The following CROCC variants were observed in gnomAD, a reference collection of about 807,000 sequenced individuals.
CROCC encodes ciliary rootlet coiled-coil, rootletin, also known as rootletin.
A neutral mutation model predicts 245.2 loss-of-function variants in CROCC; 180 were observed. The ratio of observed to expected loss-of-function variants is 0.73; its 90% confidence interval spans 0.65 to 0.83. The LOEUF (loss-of-function observed/expected upper bound fraction) is 0.83. Ranked by LOEUF, CROCC falls within the 40% of genes least tolerant of loss-of-function variation. The probability of loss-of-function intolerance (pLI) is 0.00; values close to 1 mark genes in which losing one functional copy is unlikely to be tolerated. For missense variants in CROCC, 2,688 were observed against 2,779.4 expected (o/e 0.97, Z 0.74); for synonymous variants, 1,205 against 1,241.6 (o/e 0.97, Z 0.62).
At position 16,972,572 on chromosome 1, in the gene CROCC, T is replaced by C; in HGVS notation, c.*126T>C. On this transcript the variant is annotated 3_prime_UTR_variant, in exon 37 of 37. Coordinates refer to ENST00000375541, the MANE Select transcript of CROCC (RefSeq NM_014675.5). The stretch of plus-strand genomic sequence containing the variant: ...AAGCTGGGGTGGGATGAGGAGGCGC[T>C]CTGCTGGCAGTGCTGAGGACGGGTA... 1.6e-6 allele frequency: 1 copy of C among 622,890 alleles called. No individual in the cohort carries two copies. Among genetic ancestry groups the C allele is most frequent in the Non-Finnish European group, 2.7e-6 (1 of 363,860 alleles). The allele number at this position is 622,890 out of a possible 1,614,324, so 38.6% of individuals were successfully genotyped here.
At chr1:16,938,320 G>A in intron 10 of CROCC, 80 bp from the exon 11 acceptor site, 1 of 1,335,982 alleles carries the variant, frequency 7.5e-7, no homozygotes, top group Non-Finnish European at 1.0e-6. Context: ...GGTCAGTGGT[G>A]GGCCAGGTAG....
At chr1:16,916,741 G>T (rs576820003) in intron 1 of CROCC, among the ~76,000 whole-genome samples, 8 of 152,296 alleles carry the variant, frequency 5.3e-5, no homozygotes, top group Non-Finnish European at 1.0e-4. Context: ...TCAAACGCCT[G>T]GGCTCAGGCA....
At chr1:16,926,999 G>A (rs1371923661) in intron 3 of CROCC, among the ~76,000 whole-genome samples, 1 of 152,262 alleles carries the variant, frequency 6.6e-6, no homozygotes, top group Non-Finnish European at 1.5e-5. Flanking sequence ...GGAGAAGGGG[G>A]AGGAGAACCC....
intron 35 of CROCC, 117 bp from the exon 36 acceptor site, chr1:16,971,348 T>C (rs2100565543): frequency 7.2e-7 from 1 of 1,381,328 alleles, no homozygotes; most frequent in Non-Finnish European, 9.5e-7. Context: ...CACAAGGATC[T>C]CTCCTGCCTT....
intron 13 of CROCC, among the ~76,000 whole-genome samples, chr1:16,943,235 C>T (rs2075969932): frequency 1.4e-5 from 2 of 147,122 alleles, no homozygotes; most frequent in South Asian, 2.2e-4. Flanking sequence ...AGTGAGATGC[C>T]GTCTAAAAAA....
chr1:16,922,579 G>C, intron 1 of CROCC, 84 bp from the exon 2 acceptor site: 2 of 1,504,094 alleles, frequency 1.3e-6, no homozygotes, highest in Non-Finnish European at 1.8e-6. Flanking sequence ...TGTATCTTGG[G>C]CAGTAGGATT....
intron 13 of CROCC, among the ~76,000 whole-genome samples, chr1:16,942,885 C>T (rs190300637): frequency 7.5e-4 from 115 of 152,364 alleles, no homozygotes; most frequent in Non-Finnish European, 1.3e-3. Flanking sequence ...GCGGGTGGAT[C>T]ACTTGAGGTC....
At chr1:16,940,579 G>A (rs2075908159) in intron 13 of CROCC, among the ~76,000 whole-genome samples, 2 of 152,202 alleles carry the variant, frequency 1.3e-5, no homozygotes, top group African/African-American at 4.8e-5. Context: ...TAGTAGAGAC[G>A]GGGTTTCACC....
At chr1:16,920,019 G>A (rs1282819821), upstream of CROCC, among the ~76,000 whole-genome samples, 2 of 152,220 alleles carry the variant, frequency 1.3e-5, no homozygotes, top group African/African-American at 4.8e-5. Context: ...AGCCTCCTGA[G>A]TAGCTAGGAT....
At chr1:16,958,825 G>A (rs1251420567) in intron 26 of CROCC, 75 bp downstream of exon 26, 24 of 1,492,320 alleles carry the variant, frequency 1.6e-5, no homozygotes, top group Admixed American at 4.4e-5. Flanking sequence ...CCAATGCTGG[G>A]GCCATTCTGA....
upstream of CROCC, among the ~76,000 whole-genome samples, chr1:16,918,938 C>T (rs370309437): frequency 5.9e-5 from 9 of 152,202 alleles, no homozygotes; most frequent in Admixed American, 6.5e-5. Flanking sequence ...GGTTTCACCA[C>T]GTTGGCCAGG....
intron 8 of CROCC, among the ~76,000 whole-genome samples, chr1:16,933,946 C>T (rs1380129638): frequency 6.6e-6 from 1 of 152,278 alleles, no homozygotes; most frequent in Non-Finnish European, 1.5e-5. Context: ...CTGGATTTTG[C>T]TGGTTGCATC....
intron 35 of CROCC, 110 bp downstream of exon 35, chr1:16,970,877 A>T: frequency 3.1e-5 from 41 of 1,310,350 alleles, no homozygotes; most frequent in Non-Finnish European, 3.9e-5. Context: ...CCCCTCCCCC[A>T]GGAGCCCTGA....
Position 16,929,918 on chromosome 1 carries a change from G to A in CROCC, c.424G>A (p.Val142Met), listed in dbSNP as rs369256326. The A allele has an allele frequency of 3.2e-5, 51 of 1,588,978 alleles. No homozygotes were observed. The highest frequency in any genetic ancestry group is 3.6e-5 in the Non-Finnish European group (42 of 1,171,170). The change falls in exon 4 of 37, where the codon GTG becomes ATG. Residue 142 changes from valine (V) to methionine (M), a missense_variant. Physicochemically the swap from Val to Met is conservative, Grantham distance 21 (BLOSUM62 1). Coordinates refer to ENST00000375541, the MANE Select transcript of CROCC (RefSeq NM_014675.5). ...GCCCAGGGGGCTGGTACGGCAGAGC[G>A]TGGAGTTGCGGAGGCAGCTGCAGGA... ...QEPRGLVRQS[V>M]ELRRQLQEEQ... is the part of the protein sequence containing the mutation.
intron 1 of CROCC, among the ~76,000 whole-genome samples, chr1:16,914,498 C>T (rs1470843975): frequency 6.6e-6 from 1 of 152,276 alleles, no homozygotes; most frequent in East Asian, 1.9e-4. Flanking sequence ...GCAGCTCCTG[C>T]GTGCGGGCCC....
intron 2 of CROCC, among the ~76,000 whole-genome samples, chr1:16,923,835 C>T (rs2075466838): frequency 6.6e-6 from 1 of 152,258 alleles, no homozygotes; most frequent in African/African-American, 2.4e-5. Context: ...CATACACCAC[C>T]ATGCCCAGCT....
intron 13 of CROCC, 36 bp downstream of exon 13, chr1:16,940,129 A>AT (rs771179955): frequency 1.3e-6 from 2 of 1,563,230 alleles, no homozygotes; most frequent in East Asian, 2.3e-5. Flanking sequence ...GTACTGAAGA[A>AT]TAAGTCACCG....
intron 8 of CROCC, among the ~76,000 whole-genome samples, chr1:16,935,614 C>T (rs1456372404): frequency 3.3e-5 from 5 of 152,252 alleles, no homozygotes; most frequent in East Asian, 1.9e-4. Context: ...TTAATAGAGA[C>T]GGGGTTTCAC....
Position 16,966,675 on chromosome 1 carries a change from C to T in CROCC, c.4860+104C>T. 7.6e-7 allele frequency: 1 copy of T among 1,307,322 alleles called. No homozygotes were observed. Among genetic ancestry groups the T allele is most frequent in the Non-Finnish European group, 1.0e-6 (1 of 991,582 alleles). The allele number at this position is 1,307,322 out of a possible 1,614,324, so 81.0% of individuals were successfully genotyped here. A position where few individuals can be genotyped will look rare whatever the true frequency, so the allele number is the denominator to read the frequency against. Reference sequence around the variant, plus strand: ...CCTGTGTCTGTCTGCCTGAGTCTCTCTGCAACCCACTGAGGTGACCAGCCT... The same window carrying T: ...CCTGTGTCTGTCTGCCTGAGTCTCTTTGCAACCCACTGAGGTGACCAGCCT... On this transcript the variant is annotated intron_variant, in intron 30 of 36. Transcript: ENST00000375541. The surrounding 1 kb of genome is among the most constrained non-coding windows in gnomAD (Gnocchi z 4.8).
Sources: allele counts gnomAD v4.1 joint callset (sites outside exome capture counted in the v4.1 genomes callset), GRCh38; gene constraint gnomAD v4.1.1; non-coding constraint Gnocchi (gnomAD v3.1); transcripts MANE v1.5; gene names NCBI Gene and HGNC (gene_info 2026-07-23, HGNC 2026-07-21).